AGK: variants seen among roughly 807,000 people sequenced by gnomAD.
The protein encoded by AGK is acylglycerol kinase, also known as acylglycerol kinase, mitochondrial.
Under a neutral mutation model 66.4 loss-of-function variants are expected in AGK, and 52 were observed. The observed-to-expected ratio is 0.78, with a 90% CI of 0.63 to 0.99. AGK has a LOEUF of 0.99. Ranked by LOEUF, AGK falls within the 50% of genes least tolerant of loss-of-function variation. The probability of loss-of-function intolerance (pLI) is 0.00; values close to 1 mark genes in which losing one functional copy is unlikely to be tolerated. For missense variants in AGK, 451 were observed against 506.6 expected, an observed-to-expected ratio of 0.89 and a Z score of 1.05; for synonymous variants, 182 against 181.1, an observed-to-expected ratio of 1.00 and a Z score of -0.04.
At chr7:141,628,140 A>G (rs1281022438) in intron 9 of AGK, among the ~76,000 whole-genome samples, 1 of 152,210 alleles carries the variant, frequency 6.6e-6, no homozygotes. Flanking sequence ...TCGGCCTCTC[A>G]AAGTGCTGGG....
intron 2 of AGK, among the ~76,000 whole-genome samples, chr7:141,575,159 A>G (rs1278510639): frequency 6.6e-6 from 1 of 152,228 alleles, no homozygotes; most frequent in Non-Finnish European, 1.5e-5. Flanking sequence ...GGAACAGTGG[A>G]CAGCACTTTC....
intron 5 of AGK, among the ~76,000 whole-genome samples, chr7:141,606,854 C>T (rs959304063): frequency 3.9e-5 from 6 of 152,128 alleles, no homozygotes; most frequent in African/African-American, 1.4e-4. Context: ...CCCTCCACAG[C>T]TGTTTTTACT....
chr7:141,619,348 A>G (rs946669475), intron 8 of AGK, among the ~76,000 whole-genome samples: 2 of 152,180 alleles, frequency 1.3e-5, no homozygotes, highest in South Asian at 2.1e-4. Context: ...CAAGAGACAT[A>G]AATCAGTAGA....
intron 3 of AGK, 77 bp downstream of exon 3, chr7:141,593,262 C>A: frequency 7.7e-7 from 1 of 1,303,464 alleles, no homozygotes; most frequent in Non-Finnish European, 1.1e-6. Context: ...TTTCAGGGGA[C>A]TTGCACAGTG....
chr7:141,615,713 A>C (rs909148616), intron 8 of AGK, 148 bp downstream of exon 8: 20 of 669,638 alleles, frequency 3.0e-5, no homozygotes, highest in Non-Finnish European at 4.9e-5. Flanking sequence ...TCAGCCTTTC[A>C]GTTCATTGGG....
intron 9 of AGK, among the ~76,000 whole-genome samples, chr7:141,623,367 A>C (rs187711013): frequency 6.6e-6 from 1 of 151,044 alleles, no homozygotes; most frequent in East Asian, 1.9e-4. Flanking sequence ...TAACTAGAGC[A>C]AAACTTTTTC....
intron 2 of AGK, among the ~76,000 whole-genome samples, chr7:141,579,339 A>G (rs2116894027): frequency 6.6e-6 from 1 of 152,064 alleles, no homozygotes; most frequent in East Asian, 1.9e-4. Flanking sequence ...CTGAATAACA[A>G]GAGCCTGAGA....
chr7:141,629,097 C>T (rs1485796671), intron 9 of AGK, among the ~76,000 whole-genome samples: 1 of 152,110 alleles, frequency 6.6e-6, no homozygotes, highest in Non-Finnish European at 1.5e-5. Context: ...TGATGATTCT[C>T]TTAAGATGAT....
At chr7:141,625,526 T>G (rs1473764693) in intron 9 of AGK, among the ~76,000 whole-genome samples, 1 of 152,112 alleles carries the variant, frequency 6.6e-6, no homozygotes, top group African/African-American at 2.4e-5. Context: ...TTTACAAAGT[T>G]TTTTTGTATA....
intron 1 of AGK, among the ~76,000 whole-genome samples, chr7:141,553,770 G>C (rs1215596786): frequency 6.6e-6 from 1 of 152,174 alleles, no homozygotes; most frequent in African/African-American, 2.4e-5. Flanking sequence ...CCTGGCACTG[G>C]CTTCACTGCT....
intron 1 of AGK, among the ~76,000 whole-genome samples, chr7:141,553,114 T>C (rs1191223362): frequency 6.6e-6 from 1 of 152,170 alleles, no homozygotes; most frequent in African/African-American, 2.4e-5. Context: ...GTTGAGTGCA[T>C]GGTGATAGCT....
rs56369959 is a variant in AGK, at chr7:141,653,407, C to T, written c.*483C>T. On this transcript the variant is annotated 3_prime_UTR_variant, in exon 16 of 16. Coordinates refer to ENST00000649286, the MANE Select transcript of AGK (RefSeq NM_018238.4). Reference sequence around the variant, plus strand: ...CTCCTGTTTAGCTTTTATTTCAGTTCTAACCTCAGTCCAGAAACATATGTG... The same window carrying T: ...CTCCTGTTTAGCTTTTATTTCAGTTTTAACCTCAGTCCAGAAACATATGTG... 4.6e-5 allele frequency: 7 copies of T among 153,790 alleles called. No individual in the cohort carries two copies. The highest frequency in any genetic ancestry group is 1.7e-4 in the African/African-American group (7 of 41,472). 9.5% of individuals were successfully genotyped at this position (153,790 alleles called of 1,614,324 possible). A position where few individuals can be genotyped will look rare whatever the true frequency, so the allele number is the denominator to read the frequency against.
rs189547430 is a variant in AGK at position 141,645,862 on chromosome 7, T to G, written c.976-3401T>G. On this transcript the variant is annotated intron_variant, in intron 13 of 15. Transcript: ENST00000649286. ...ATGAATTGATTTTTGAATGTTAATG[T>G]GAGACTTTTGGCCAAGATGTAGCAA... Among the ~76,000 whole-genome samples, 251 of 152,336 alleles carry G rather than the reference T, an allele frequency of 1.6e-3. 5 individuals carry two copies. Among genetic ancestry groups the G allele is most frequent in the Admixed American group, 0.016 (249 of 15,308 alleles).
intron 1 of AGK, among the ~76,000 whole-genome samples, chr7:141,551,647 C>T (rs1420880953): frequency 6.6e-6 from 1 of 152,164 alleles, no homozygotes; most frequent in Non-Finnish European, 1.5e-5. Context: ...GCCGGCGCGG[C>T]AGGGGAGGGC....
In AGK at chr7:141,596,544, T is replaced by A; in HGVS notation, c.142-18T>A. On this transcript the variant is annotated intron_variant, in intron 3 of 15. Transcript: ENST00000649286. Reference sequence around the variant, plus strand: ...ATAAATGGACTTTTACTGAAAACTTTGCTCTTTTCTTTTTTAGGTGTTTGG... The same window carrying A: ...ATAAATGGACTTTTACTGAAAACTTAGCTCTTTTCTTTTTTAGGTGTTTGG... 1 of 1,610,070 alleles carries A rather than the reference T, an allele frequency of 6.2e-7. No individual in the cohort carries two copies. The highest frequency in any genetic ancestry group is 1.3e-5 in the African/African-American group (1 of 74,938).
In AGK at chr7:141,601,294, C is replaced by A. The variant is rs758382821; in HGVS notation, c.297+14C>A. 6.3e-7 allele frequency: 1 copy of A among 1,599,012 alleles called. No homozygotes were observed. Among genetic ancestry groups the A allele is most frequent in the South Asian group, 1.1e-5 (1 of 88,662 alleles). On this transcript the variant is annotated intron_variant, in intron 5 of 15. Transcript: ENST00000649286. ...ACTATTGTTAAGGTAAGAATGGCTC[C>A]TGAATGTTTATTTCACCCAAGCAGC...
chr7:141,619,831 T>C (rs1796786499), intron 8 of AGK, among the ~76,000 whole-genome samples: 2 of 152,192 alleles, frequency 1.3e-5, no homozygotes, highest in Non-Finnish European at 2.9e-5. Context: ...GCAATCACAC[T>C]TATAGGTACT....
chr7:141,641,737 A>G (rs1347060838), intron 12 of AGK, 74 bp from the exon 13 acceptor site: 1 of 1,228,278 alleles, frequency 8.1e-7, no homozygotes, highest in Non-Finnish European at 1.2e-6. Flanking sequence ...CTGAGCAGCT[A>G]GCAGCTAGCC....
chr7:141,595,732 A>G (rs1476066939), intron 3 of AGK, among the ~76,000 whole-genome samples: 1 of 152,108 alleles, frequency 6.6e-6, no homozygotes, highest in African/African-American at 2.4e-5. Context: ...TCCAATTCAG[A>G]CATAATAGCA....
Sources: allele counts gnomAD v4.1 joint callset (sites outside exome capture counted in the v4.1 genomes callset), GRCh38; gene constraint gnomAD v4.1.1; transcripts MANE v1.5; gene names NCBI Gene and HGNC (gene_info 2026-07-23, HGNC 2026-07-21).